Variants in DYSF observed in about 807,000 individuals in gnomAD.
The protein encoded by DYSF is dysferlin.
A neutral mutation model predicts 274.9 loss-of-function variants in DYSF; 212 were observed. That is an observed-to-expected ratio of 0.77 (90% CI 0.69 to 0.86). DYSF has a LOEUF of 0.86. Among genes scored for constraint, DYSF ranks in the 40% least tolerant of loss-of-function variants. The pLI, the probability that DYSF is intolerant of heterozygous loss-of-function variation, is 0.00. For synonymous variants in DYSF, 1,091 were observed against 1,078.7 expected (o/e 1.01, Z -0.22); for missense variants, 2,666 against 2,783.2 (o/e 0.96, Z 0.95).
chr2:71,571,897 G>A (rs1574079158), intron 29 of DYSF, among the ~76,000 whole-genome samples: 1 of 101,334 alleles, frequency 9.9e-6, no homozygotes, highest in African/African-American at 4.0e-5. Context: ...CTCACACCCA[G>A]CACACACACA....
rs2084459191 is a variant in DYSF, at chr2:71,496,902, C to T, written c.240-6312C>T. ...AAACCAATGACCTTTCTGTTTCTTT[C>T]ATGATGCACTCATGGGCCTCTAAGA... On this transcript the variant is annotated intron_variant, in intron 3 of 55. Transcript: ENST00000410020. Among the ~76,000 whole-genome samples, 3 of 152,208 alleles carry T rather than the reference C, an allele frequency of 2.0e-5. No homozygotes were observed. The South Asian group carries it at 6.2e-4, about 32-fold the overall frequency.
At chr2:71,465,484 T>C (rs1483973327), upstream of DYSF, among the ~76,000 whole-genome samples, 1 of 152,052 alleles carries the variant, frequency 6.6e-6, no homozygotes, top group African/African-American at 2.4e-5. Context: ...CCCCCAGCAG[T>C]GAGGGCTCGC....
intron 15 of DYSF, 80 bp from the exon 16 acceptor site, chr2:71,535,188 A>T (rs1326432071): frequency 3.3e-5 from 52 of 1,597,118 alleles, no homozygotes; most frequent in Non-Finnish European, 4.2e-5. Flanking sequence ...CCAGTATCCC[A>T]GACTTCAGCT....
intron 41 of DYSF, among the ~76,000 whole-genome samples, chr2:71,632,701 T>C (rs541310724): frequency 2.0e-5 from 3 of 152,328 alleles, no homozygotes; most frequent in Admixed American, 2.0e-4. Flanking sequence ...ATTCACCTAC[T>C]GGCTAGGTTC....
At position 71,563,991 on chromosome 2, in the gene DYSF, C is replaced by T. The variant is rs539334110; in HGVS notation, c.2410-67C>T. On this transcript the variant is annotated intron_variant, in intron 23 of 55. Coordinates refer to ENST00000410020, the MANE Select transcript of DYSF (RefSeq NM_001130987.2). ...GGCCTCTGAGTCAGAGGTCAGCTCA[C>T]GGTGTGGCTGTGGGGCGTGGGCCTG... The T allele has an allele frequency of 4.9e-5, 78 of 1,605,722 alleles. 1 individual carries two copies. The East Asian group carries it at 1.0e-3, about 21-fold the overall frequency.
intron 22 of DYSF, 105 bp downstream of exon 22, chr2:71,556,176 C>T (rs1027225700): frequency 1.1e-6 from 1 of 941,926 alleles, no homozygotes; most frequent in African/African-American, 1.6e-5. Context: ...CGTCTCCCAG[C>T]CACGCTTGGC....
At chr2:71,526,421 C>CGGTGGGG in intron 13 of DYSF, 75 bp downstream of exon 13, 1 of 272,074 alleles carries the variant, frequency 3.7e-6, no homozygotes, top group Non-Finnish European at 6.7e-6. Context: ...TGGGCGATGG[C>CGGTGGGG]GGGCGGGGTC....
At chr2:71,504,173 C>A (rs2085255915) in intron 4 of DYSF, among the ~76,000 whole-genome samples, 1 of 152,168 alleles carries the variant, frequency 6.6e-6, no homozygotes. Flanking sequence ...AGAAAAGGAA[C>A]CACTGAAGTC....
intron 17 of DYSF, among the ~76,000 whole-genome samples, chr2:71,546,650 T>C (rs2090501750): frequency 6.6e-6 from 1 of 152,268 alleles, no homozygotes; most frequent in Admixed American, 6.5e-5. Flanking sequence ...TTGATAACTT[T>C]ATACATAGGA....
intron 1 of DYSF, among the ~76,000 whole-genome samples, chr2:71,477,519 A>G (rs2082488125): frequency 2.0e-5 from 3 of 152,170 alleles, no homozygotes; most frequent in Admixed American, 2.0e-4. Flanking sequence ...AGATTGCTCA[A>G]TCTCCCTACC....
Position 71,612,870 on chromosome 2 carries a change from C to T in DYSF, c.4387+64C>T, listed in dbSNP as rs982525636. On this transcript the variant is annotated intron_variant, in intron 39 of 55. Coordinates refer to ENST00000410020, the MANE Select transcript of DYSF (RefSeq NM_001130987.2). ...GGAGCCTCAGGGCCAAGCTACCCTTCCTAGTTGAGATGCATCCTGAAACCC... is the reference window on the plus strand; with the variant it reads ...GGAGCCTCAGGGCCAAGCTACCCTTTCTAGTTGAGATGCATCCTGAAACCC... The T allele has an allele frequency of 4.5e-6, 7 of 1,550,946 alleles. No homozygotes were observed. The African/African-American group carries it at 5.4e-5, about 12-fold the overall frequency.
chr2:71,606,528 T>C (rs1305908494), intron 36 of DYSF, among the ~76,000 whole-genome samples: 1 of 152,016 alleles, frequency 6.6e-6, no homozygotes, highest in Non-Finnish European at 1.5e-5. Flanking sequence ...AGAATTACTG[T>C]CCTGGAGAGG....
At chr2:71,588,089 C>G (rs2093132379) in intron 30 of DYSF, among the ~76,000 whole-genome samples, 1 of 152,176 alleles carries the variant, frequency 6.6e-6, no homozygotes, top group Non-Finnish European at 1.5e-5. Context: ...GGCTGTGGAA[C>G]AGCATAAGCT....
At chr2:71,612,849 C>T (rs767549719) in intron 39 of DYSF, 43 bp downstream of exon 39, 30 of 1,587,978 alleles carry the variant, frequency 1.9e-5, no homozygotes, top group Non-Finnish European at 2.6e-5. Context: ...GAAGGGGGAG[C>T]CTCAGGGCCA....
rs121908955 is a variant in DYSF, at chr2:71,682,597, C to T, written c.6241C>T (p.Arg2081Cys). Residue 2081 changes from arginine (R) to cysteine (C), a missense_variant, in exon 55 of 56, where the codon CGT (arginine) becomes TGT (cysteine). Around this residue, in one of 3 missense-constraint regions of DYSF, gnomAD observed 1,460 missense variants for 1,502.1 expected, o/e 0.97. Coordinates refer to ENST00000410020, the MANE Select transcript of DYSF (RefSeq NM_001130987.2). ...YKTMKFILWRRFRWAIILFII... is the reference protein window; with the variant it reads ...YKTMKFILWRCFRWAIILFII... ...GACCATGAAGTTCATCCTGTGGCGGCGTTTCCGGTGGGCCATCATCCTCTT... is the reference window on the plus strand; with the variant it reads ...GACCATGAAGTTCATCCTGTGGCGGTGTTTCCGGTGGGCCATCATCCTCTT... 69 of 1,613,988 alleles carry T rather than the reference C, an allele frequency of 4.3e-5. No individual in the cohort carries two copies. The highest frequency in any genetic ancestry group is 5.3e-5 in the Non-Finnish European group (62 of 1,180,018).
At chr2:71,667,754 C>T (rs1008808632) in intron 48 of DYSF, among the ~76,000 whole-genome samples, 1 of 152,312 alleles carries the variant, frequency 6.6e-6, no homozygotes, top group Middle Eastern at 3.4e-3. Context: ...GAGCTTCTCC[C>T]CTCACCCCTG....
chr2:71,568,347 T>C lies in DYSF; in HGVS notation c.2864+9T>C. On this transcript the variant is annotated intron_variant, in intron 26 of 55. Transcript: ENST00000410020. ...GTGTGTCCGGAGAAGACGTGAGTCGTGGGCAGGGAGGGCTGGGGAGAGCCA... is the reference window on the plus strand; with the variant it reads ...GTGTGTCCGGAGAAGACGTGAGTCGCGGGCAGGGAGGGCTGGGGAGAGCCA... 1.2e-6 allele frequency: 2 copies of C among 1,613,706 alleles called. No individual in the cohort carries two copies. The highest frequency in any genetic ancestry group is 1.7e-6 in the Non-Finnish European group (2 of 1,179,726).
intron 30 of DYSF, among the ~76,000 whole-genome samples, chr2:71,577,664 ACG>A (rs2092755149): frequency 6.9e-6 from 1 of 144,182 alleles, no homozygotes; most frequent in Non-Finnish European, 1.6e-5. Flanking sequence ...TCATATGCAC[ACG>A]CACCCACACA....
At chr2:71,646,608 C>T (rs2094571113) in intron 42 of DYSF, among the ~76,000 whole-genome samples, 1 of 152,012 alleles carries the variant, frequency 6.6e-6, no homozygotes, top group Admixed American at 6.6e-5. Flanking sequence ...TTAGAAATCA[C>T]TAGCATAGGG....
Sources: allele counts gnomAD v4.1 joint callset (sites outside exome capture counted in the v4.1 genomes callset), GRCh38; gene constraint gnomAD v4.1.1; regional missense constraint gnomAD v4.1.1; transcripts MANE v1.5; gene names NCBI Gene and HGNC (gene_info 2026-07-23, HGNC 2026-07-21).